ADAMTSL1: variants seen among roughly 807,000 people sequenced by gnomAD.
ADAMTSL1 encodes ADAMTS like 1.
Under a neutral mutation model 201.8 loss-of-function variants are expected in ADAMTSL1, and 126 were observed. That is an observed-to-expected ratio of 0.62 (90% CI 0.54 to 0.72). ADAMTSL1 has a LOEUF of 0.72. ADAMTSL1 is among the 30% of genes least tolerant of loss of function. ADAMTSL1 has a pLI of 0.00. For missense variants in ADAMTSL1, 2,679 were observed against 2,277.8 expected (o/e 1.18, Z -3.59); for synonymous variants, 1,121 against 903.4 (o/e 1.24, Z -4.32).
intron 1 of ADAMTSL1, among the ~76,000 whole-genome samples, chr9:17,974,797 G>T (rs1818374652): frequency 6.6e-6 from 1 of 152,038 alleles, no homozygotes; most frequent in Admixed American, 6.6e-5. Context: ...CACTTAGGTT[G>T]TTTCCATATG....
At chr9:18,074,600 T>C (rs1823130393) in intron 1 of ADAMTSL1, among the ~76,000 whole-genome samples, 1 of 151,556 alleles carries the variant, frequency 6.6e-6, no homozygotes, top group Non-Finnish European at 1.5e-5. Context: ...GTTGTTGTTA[T>C]TGTTGTTGAG....
At chr9:18,322,958 G>A (rs186440477) in intron 2 of ADAMTSL1, among the ~76,000 whole-genome samples, 1 of 152,252 alleles carries the variant, frequency 6.6e-6, no homozygotes, top group Admixed American at 6.5e-5. Flanking sequence ...GTTCTATGAA[G>A]CATTTAAGGA....
At chr9:18,478,987 C>T (rs575444809) in intron 1 of ADAMTSL1, among the ~76,000 whole-genome samples, 35 of 152,188 alleles carry the variant, frequency 2.3e-4, no homozygotes, top group African/African-American at 6.7e-4. Flanking sequence ...GGCTCATGAG[C>T]GGCTTAGGAC....
intron 2 of ADAMTSL1, among the ~76,000 whole-genome samples, chr9:18,373,557 C>G (rs771055850): frequency 6.6e-6 from 1 of 152,022 alleles, no homozygotes; most frequent in African/African-American, 2.4e-5. Context: ...ATTCTCCTCT[C>G]CCATTGTCCT....
At chr9:17,946,505 C>T (rs548561744) in intron 1 of ADAMTSL1, among the ~76,000 whole-genome samples, 2 of 152,092 alleles carry the variant, frequency 1.3e-5, no homozygotes, top group Non-Finnish European at 2.9e-5. Flanking sequence ...AGAAAGATCT[C>T]TTTATGATCT....
At chr9:18,292,674 G>T (rs1833320626) in intron 2 of ADAMTSL1, among the ~76,000 whole-genome samples, 1 of 152,138 alleles carries the variant, frequency 6.6e-6, no homozygotes, top group Admixed American at 6.5e-5. Context: ...GATGCTTCCT[G>T]CCCTGGAACA....
intron 1 of ADAMTSL1, among the ~76,000 whole-genome samples, chr9:18,137,522 G>C (rs1826212057): frequency 6.6e-6 from 1 of 152,104 alleles, no homozygotes; most frequent in Admixed American, 6.6e-5. Context: ...TAACATGTAA[G>C]TCCTTCTGTA....
intron 2 of ADAMTSL1, among the ~76,000 whole-genome samples, chr9:18,239,323 G>A (rs1587375917): frequency 6.6e-6 from 1 of 152,176 alleles, no homozygotes; most frequent in South Asian, 2.1e-4. Context: ...CAAAACTGGA[G>A]TCAGTCCTCT....
At chr9:18,605,619 G>A (rs1370129172) in intron 4 of ADAMTSL1, among the ~76,000 whole-genome samples, 2 of 152,156 alleles carry the variant, frequency 1.3e-5, no homozygotes, top group Non-Finnish European at 2.9e-5. Flanking sequence ...CCTCAGATGA[G>A]TTTCCCACGT....
At chr9:18,199,276 A>G (rs899699760) in intron 2 of ADAMTSL1, among the ~76,000 whole-genome samples, 17 of 152,058 alleles carry the variant, frequency 1.1e-4, no homozygotes, top group African/African-American at 4.1e-4. Flanking sequence ...AAAAAAAGAA[A>G]AAAAGTACGG....
At chr9:18,112,729 T>C (rs1825078954) in intron 1 of ADAMTSL1, among the ~76,000 whole-genome samples, 1 of 152,146 alleles carries the variant, frequency 6.6e-6, no homozygotes, top group South Asian at 2.1e-4. Flanking sequence ...TAGACATTTG[T>C]GGGGAATTTA....
intron 23 of ADAMTSL1, among the ~76,000 whole-genome samples, chr9:18,870,959 G>A (rs1348769535): frequency 2.6e-5 from 4 of 152,064 alleles, no homozygotes; most frequent in African/African-American, 9.7e-5. Context: ...TTGAAGCATT[G>A]TTACTCAACC....
chr9:17,919,228 A>G (rs969756057), intron 1 of ADAMTSL1, among the ~76,000 whole-genome samples: 3 of 151,756 alleles, frequency 2.0e-5, no homozygotes, highest in Non-Finnish European at 4.4e-5. Context: ...CAAGTAGTAC[A>G]TTATTATTAT....
At chr9:18,229,117 G>A (rs983057122) in intron 2 of ADAMTSL1, among the ~76,000 whole-genome samples, 3 of 152,088 alleles carry the variant, frequency 2.0e-5, no homozygotes, top group Non-Finnish European at 4.4e-5. Context: ...AAAAAAGAAA[G>A]TATTTTTGCT....
chr9:18,718,348 T>A (rs1215199442), intron 14 of ADAMTSL1: 2 of 730,676 alleles, frequency 2.7e-6, no homozygotes, highest in Admixed American at 1.8e-5. Context: ...CATTGTTCCG[T>A]TCCTGCAGTA....
intron 2 of ADAMTSL1, among the ~76,000 whole-genome samples, chr9:18,384,757 G>C (rs190574774): frequency 2.0e-5 from 3 of 151,916 alleles, no homozygotes; most frequent in Admixed American, 1.3e-4. Flanking sequence ...TCCTCCACTC[G>C]TCACTACAGA....
chr9:17,933,725 G>A (rs1417764316), intron 1 of ADAMTSL1, among the ~76,000 whole-genome samples: 1 of 152,086 alleles, frequency 6.6e-6, no homozygotes, highest in East Asian at 1.9e-4. Flanking sequence ...GACAGAGAAA[G>A]GGGAGGTGCT....
intron 2 of ADAMTSL1, among the ~76,000 whole-genome samples, chr9:18,325,515 A>G (rs983454392): frequency 1.3e-5 from 2 of 152,238 alleles, no homozygotes; most frequent in Non-Finnish European, 1.5e-5. Context: ...GGATATATGT[A>G]GGATATATAT....
Position 18,088,076 on chromosome 9 carries a change from T to A in ADAMTSL1, c.88-75786T>A, listed in dbSNP as rs577950225. ...AGACATACAGACCAATGGAACAGAATAGAGAACCTAGAATTACATACATAC... is the reference window on the plus strand; with the variant it reads ...AGACATACAGACCAATGGAACAGAAAAGAGAACCTAGAATTACATACATAC... On this transcript the variant is annotated intron_variant, in intron 1 of 29. Coordinates refer to the ADAMTSL1 transcript ENST00000680146. 3.3e-5 allele frequency among the ~76,000 whole-genome samples: 5 copies of A among 152,254 alleles called. No homozygotes were observed. In the South Asian group the frequency reaches 1.0e-3, roughly 32 times the overall value.
Sources: allele counts gnomAD v4.1 joint callset (sites outside exome capture counted in the v4.1 genomes callset), GRCh38; gene constraint gnomAD v4.1.1; transcripts MANE v1.5; gene names NCBI Gene and HGNC (gene_info 2026-07-23, HGNC 2026-07-21).